The following SIM1 variants were observed in gnomAD, a reference collection of about 807,000 sequenced individuals.
SIM1 encodes the protein single-minded homolog 1.
Under a neutral mutation model 78.2 loss-of-function variants are expected in SIM1, and 18 were observed. That is an observed-to-expected ratio of 0.23 (90% CI 0.16 to 0.34). SIM1 has a LOEUF of 0.34. Ranked by LOEUF, SIM1 falls within the 10% of genes least tolerant of loss-of-function variation. The pLI is 1.00. For missense variants in SIM1, 939 were observed against 975.1 expected (o/e 0.96, Z 0.49); for synonymous variants, 417 against 385.2 (o/e 1.08, Z -0.97).
In SIM1 at chr6:100,414,368, T is replaced by C. The variant is rs59277481; in HGVS notation, c.1167+6422A>G. On this transcript the variant is annotated intron_variant, in intron 10 of 11. Transcript: ENST00000369208. The stretch of plus-strand genomic sequence containing the variant: ...ACCTATATTACTTCATTGCACATCA[T>C]AGTATTTAACTAAATGCAAGAGTTA... Among the ~76,000 whole-genome samples, 470 of 152,330 alleles carry C rather than the reference T, an allele frequency of 3.1e-3. 1 individual carries two copies. Among genetic ancestry groups the C allele is most frequent in the African/African-American group, 0.011 (455 of 41,576 alleles).
chr6:100,392,826 A>G (rs1054436334), intron 11 of SIM1, among the ~76,000 whole-genome samples: 1 of 152,224 alleles, frequency 6.6e-6, no homozygotes, highest in African/African-American at 2.4e-5. Context: ...CTTTGAAATG[A>G]ACAAAGGGAA....
At chr6:100,457,370 C>T (rs1159716816) in intron 2 of SIM1, among the ~76,000 whole-genome samples, 1 of 152,198 alleles carries the variant, frequency 6.6e-6, no homozygotes, top group Non-Finnish European at 1.5e-5. Flanking sequence ...GACCTGACTA[C>T]GACTTGGTGA....
chr6:100,398,176 A>C (rs952872532), intron 10 of SIM1, among the ~76,000 whole-genome samples: 1 of 152,160 alleles, frequency 6.6e-6, no homozygotes, highest in African/African-American at 2.4e-5. Flanking sequence ...AATAAAAACT[A>C]TATTCATATA....
At position 100,453,839 on chromosome 6, in the gene SIM1, C is replaced by T. The variant is rs749345383; in HGVS notation, c.181G>A (p.Gly61Ser). The change falls in exon 3 of 12, where the codon GGC becomes AGC. Residue 61 changes from glycine to serine, a missense_variant. Physicochemically the swap from Gly to Ser is moderately conservative, Grantham distance 56. This residue lies in a region of SIM1 where 121 missense variants were observed against 124.6 expected (regional missense o/e 0.97). Transcript: ENST00000369208. Reference protein sequence around the residue: ...KMRVVFPEGLGEAWGHSSRTS... With the variant: ...KMRVVFPEGLSEAWGHSSRTS... Reference sequence around the variant, plus strand: ...CGACTTGAGTGGCCCCACGCCTCGCCGAGCCCTGTGGAGACACAGAAGCAT... The same window carrying T: ...CGACTTGAGTGGCCCCACGCCTCGCTGAGCCCTGTGGAGACACAGAAGCAT... 3.1e-6 allele frequency: 5 copies of T among 1,610,880 alleles called. No individual in the cohort carries two copies. Among genetic ancestry groups the T allele is most frequent in the Non-Finnish European group, 4.2e-6 (5 of 1,178,648 alleles).
At chr6:100,427,600 T>C (rs1365203101) in intron 9 of SIM1, among the ~76,000 whole-genome samples, 1 of 152,208 alleles carries the variant, frequency 6.6e-6, no homozygotes, top group Non-Finnish European at 1.5e-5. Context: ...AATTGTGAAA[T>C]GTTGATATGT....
chr6:100,435,178 A>C (rs1772011555), intron 9 of SIM1, among the ~76,000 whole-genome samples: 1 of 152,180 alleles, frequency 6.6e-6, no homozygotes, highest in South Asian at 2.1e-4. Flanking sequence ...CACTTTGTGG[A>C]GACCCCATAT....
At chr6:100,395,431 C>T (rs1770743626) in intron 10 of SIM1, among the ~76,000 whole-genome samples, 1 of 152,106 alleles carries the variant, frequency 6.6e-6, no homozygotes. Context: ...TCAAAGCCTG[C>T]ACTTGAAACC....
At chr6:100,437,206 T>C (rs1772078861) in intron 9 of SIM1, 1 of 152,196 alleles carries the variant, frequency 6.6e-6, no homozygotes, top group Non-Finnish European at 1.5e-5. Context: ...GATACCTCAT[T>C]TGATAACATA....
At chr6:100,462,449 G>C (rs1172025610) in intron 2 of SIM1, among the ~76,000 whole-genome samples, 1 of 152,196 alleles carries the variant, frequency 6.6e-6, no homozygotes, top group African/African-American at 2.4e-5. Context: ...ATAGGACAGT[G>C]TTCTATGAAA....
intron 9 of SIM1, among the ~76,000 whole-genome samples, chr6:100,434,519 A>T (rs1213985902): frequency 6.6e-6 from 1 of 152,234 alleles, no homozygotes; most frequent in East Asian, 1.9e-4. Flanking sequence ...TGGTTCAGTC[A>T]CAAGAACACG....
chr6:100,397,040 G>C (rs935575756), intron 10 of SIM1, among the ~76,000 whole-genome samples: 4 of 152,052 alleles, frequency 2.6e-5, no homozygotes, highest in African/African-American at 9.7e-5. Flanking sequence ...TCAGTTATTG[G>C]AAGAAAATAA....
chr6:100,420,276 T>C (rs2114503452), intron 10 of SIM1, among the ~76,000 whole-genome samples: 1 of 152,348 alleles, frequency 6.6e-6, no homozygotes, highest in East Asian at 1.9e-4. Context: ...CAGAATTTGC[T>C]TTTCCTACCA....
intron 2 of SIM1, among the ~76,000 whole-genome samples, chr6:100,457,332 G>C (rs558685357): frequency 6.6e-6 from 1 of 152,324 alleles, no homozygotes; most frequent in Admixed American, 6.5e-5. Context: ...GTAGGCAATG[G>C]GGGAGGGTGG....
At chr6:100,441,539 T>C (rs1772216553) in intron 9 of SIM1, among the ~76,000 whole-genome samples, 1 of 152,246 alleles carries the variant, frequency 6.6e-6, no homozygotes, top group African/African-American at 2.4e-5. Context: ...TTAACTCTTT[T>C]GTTTAGCAAA....
chr6:100,448,785 T>A, intron 6 of SIM1, 107 bp from the exon 7 acceptor site: 5 of 975,328 alleles, frequency 5.1e-6, no homozygotes, highest in African/African-American at 1.6e-5. Flanking sequence ...CCCAAAGCAG[T>A]GCTGACCACG....
In SIM1 at chr6:100,388,874, T is replaced by C. The variant is rs946433308; in HGVS notation, c.*1487A>G. 5 of 152,200 alleles carry C rather than the reference T, an allele frequency of 3.3e-5. No individual in the cohort carries two copies. The highest frequency in any genetic ancestry group is 7.4e-5 in the Non-Finnish European group (5 of 68,024). 9.4% of individuals were successfully genotyped at this position (152,200 alleles called of 1,614,324 possible). ...TTCTACCAACTACATTTTGGCTAAA[T>C]CTAGAAAGTTAACTGTAACCTGCCT... On this transcript the variant is annotated 3_prime_UTR_variant, in exon 12 of 12. Coordinates refer to ENST00000369208, the MANE Select transcript of SIM1 (RefSeq NM_005068.3).
chr6:100,385,646 T>C lies in SIM1; in HGVS notation c.*4715A>G, dbSNP rs1480591069. ...TAAAATTAGCAATTAGGATTTCTTA[T>C]GTGAACCATCATTTATTTATTTATG... On this transcript the variant is annotated 3_prime_UTR_variant, in exon 12 of 12. Transcript: ENST00000369208. 1.3e-5 allele frequency: 2 copies of C among 149,408 alleles called. No homozygotes were observed. Among genetic ancestry groups the C allele is most frequent in the East Asian group, 2.0e-4 (1 of 5,062 alleles). The allele number at this position is 149,408 out of a possible 1,614,324, so 9.3% of individuals were successfully genotyped here. A position where few individuals can be genotyped will look rare whatever the true frequency, so the allele number is the denominator to read the frequency against.
intron 9 of SIM1, among the ~76,000 whole-genome samples, chr6:100,435,912 G>A (rs144965684): frequency 2.0e-5 from 3 of 152,106 alleles, no homozygotes; most frequent in South Asian, 2.1e-4. Flanking sequence ...CCTGGGTAAC[G>A]TCCTTGAGAG....
At position 100,463,535 on chromosome 6, in the gene SIM1, C is replaced by T. The variant is rs1462815097; in HGVS notation, c.-67G>A. The stretch of plus-strand genomic sequence containing the variant: ...AGATTCATCCAAAACCAAAAATAAA[C>T]TTTCAATTAGAGATCATATTTGGCA... On this transcript the variant is annotated 5_prime_UTR_variant, in exon 2 of 12. Coordinates refer to ENST00000369208, the MANE Select transcript of SIM1 (RefSeq NM_005068.3). The T allele has an allele frequency of 1.1e-5, 16 of 1,442,726 alleles. No homozygotes were observed. Among genetic ancestry groups the T allele is most frequent in the Non-Finnish European group, 1.5e-5 (16 of 1,059,420 alleles). The allele number at this position is 1,442,726 out of a possible 1,614,324, so 89.4% of individuals were successfully genotyped here.
Sources: gnomAD v4.1 joint callset for allele counts (sites outside exome capture counted in the v4.1 genomes callset) on GRCh38, gnomAD v4.1.1 for gene constraint, gnomAD v4.1.1 regional missense constraint, MANE v1.5 for transcripts, NCBI Gene and HGNC (gene_info 2026-07-23, HGNC 2026-07-21) for gene names.